Variants in SPATA4 observed in about 807,000 individuals in gnomAD.
SPATA4 encodes the protein spermatogenesis associated 4.
Under a neutral mutation model 31.8 loss-of-function variants are expected in SPATA4, and 35 were observed. That is an observed-to-expected ratio of 1.10 (90% confidence interval 0.84 to 1.46). SPATA4 has a LOEUF of 1.46. SPATA4 is among the 40% of genes most tolerant of loss of function. The pLI, the probability that SPATA4 is intolerant of heterozygous loss-of-function variation, is 0.00. For missense variants in SPATA4, 394 were observed against 363.1 expected, an observed-to-expected ratio of 1.09 and a Z score of -0.69; for synonymous variants, 126 against 132.4, an observed-to-expected ratio of 0.95 and a Z score of 0.33.
Position 176,195,551 on chromosome 4 carries a change from G to C in SPATA4, c.12C>G (p.Ala4=). The part of the protein sequence containing the change: MAA[A]GQEKGYLTQT... Reference sequence around the variant, plus strand: ...GTGTCAAATACCCTTTTTCCTGGCCGGCGGCAGCCATGACGCTTTCTGGGT... The same window carrying C: ...GTGTCAAATACCCTTTTTCCTGGCCCGCGGCAGCCATGACGCTTTCTGGGT... The change falls in exon 1 of 6, where the codon GCC becomes GCG. Residue 4 remains alanine (A), a synonymous_variant. Transcript: ENST00000280191. 1.2e-6 allele frequency: 2 copies of C among 1,614,026 alleles called. No homozygotes were observed. The highest frequency in any genetic ancestry group is 1.6e-4 in the Middle Eastern group (1 of 6,062).
Position 176,195,308 on chromosome 4 carries a change from C to T in SPATA4, c.218+37G>A, listed in dbSNP as rs758334739. ...CAGGCGGCGGAAAGCAGGCGGGGCG[C>T]CCACCGGGGGGGCCTAGGACTGGCT... On this transcript the variant is annotated intron_variant, in intron 1 of 5. Transcript: ENST00000280191. 5.0e-6 allele frequency: 8 copies of T among 1,604,344 alleles called. No homozygotes were observed. In the African/African-American group the frequency reaches 5.4e-5, roughly 11 times the overall value.
Position 176,192,826 on chromosome 4 carries a change from G to A in SPATA4, c.489C>T (p.Asp163=). ...THREIKSIQD[D]FVNFTDYSYQ... Reference sequence around the variant, plus strand: ...AGCTATAGTCCGTGAAATTCACAAAGTCATCCTGGATACTTTTAATTCTGG... The same window carrying A: ...AGCTATAGTCCGTGAAATTCACAAAATCATCCTGGATACTTTTAATTCTGG... The change falls in exon 4 of 6, where the codon GAC becomes GAT. Residue 163 remains aspartate, a synonymous_variant. Coordinates refer to ENST00000280191, the MANE Select transcript of SPATA4 (RefSeq NM_144644.4). The A allele has an allele frequency of 6.2e-7, 1 of 1,613,754 alleles. No homozygotes were observed. Among genetic ancestry groups the A allele is most frequent in the Non-Finnish European group, 8.5e-7 (1 of 1,179,858 alleles).
chr4:176,192,758 T>A lies in SPATA4; in HGVS notation c.557A>T (p.Lys186Met), dbSNP rs754218277. 6.2e-7 allele frequency: 1 copy of A among 1,614,144 alleles called. No individual in the cohort carries two copies. Among genetic ancestry groups the A allele is most frequent in the Non-Finnish European group, 8.5e-7 (1 of 1,179,994 alleles). Residue 186 changes from lysine (K) to methionine (M), a missense_variant, in exon 4 of 6, where the codon AAG becomes ATG. Coordinates refer to ENST00000280191, the MANE Select transcript of SPATA4 (RefSeq NM_144644.4). ...TAACCTAATGTTATCTTTAATAGAC[T>A]TCGAAACTGTAGACCTGGAAACCAG... ...LPLVSRSTVS[K>M]SIKDNIRLSE... is the part of the protein sequence containing the mutation.
In SPATA4 at chr4:176,193,021, T is replaced by C. The variant is rs1488055252; in HGVS notation, c.404A>G (p.His135Arg). 6.2e-7 allele frequency: 1 copy of C among 1,611,166 alleles called. No individual in the cohort carries two copies. The highest frequency in any genetic ancestry group is 8.5e-7 in the Non-Finnish European group (1 of 1,179,246). Residue 135 changes from histidine to arginine, a missense_variant, in exon 3 of 6, where the codon CAT becomes CGT. Coordinates refer to ENST00000280191, the MANE Select transcript of SPATA4 (RefSeq NM_144644.4). ...TATTTCAGGCACTCCAGCTTTACAA[T>C]GAATTGTTCCATGGATTAGTTCTTT... ...LPKELIHGTI[H>R]CKAGVPEILI...
At chr4:176,194,416 C>T (rs1278222492) in intron 1 of SPATA4, 1 of 152,092 alleles carries the variant, frequency 6.6e-6, no homozygotes, top group East Asian at 1.9e-4. Flanking sequence ...TTTAAAAAGG[C>T]ATTAAATTTG....
chr4:176,194,928 G>A (rs1261979670), intron 1 of SPATA4: 1 of 162,020 alleles, frequency 6.2e-6, no homozygotes, highest in African/African-American at 2.4e-5. Context: ...GTAGAGACGG[G>A]GTTTCACCGT....
chr4:176,193,751 C>G, intron 1 of SPATA4, 169 bp from the exon 2 acceptor site: 2 of 613,050 alleles, frequency 3.3e-6, no homozygotes, highest in Non-Finnish European at 5.1e-6. Flanking sequence ...CTAAGATTAT[C>G]TACGTTTCAA....
chr4:176,185,070 T>C (rs1579293300), intron 5 of SPATA4, among the ~76,000 whole-genome samples, 178 bp from the exon 6 acceptor site: 1 of 152,138 alleles, frequency 6.6e-6, no homozygotes, highest in South Asian at 2.1e-4. Flanking sequence ...TACTCATGGA[T>C]TAAAAAAAGT....
Position 176,184,910 on chromosome 4 carries a change from G to C in SPATA4, c.806-18C>G. On this transcript the variant is annotated intron_variant, in intron 5 of 5. Transcript: ENST00000280191. ...TATATTTGCTGGGACATTTAAATAA[G>C]CAAAATTAAAATCAATTCATGGTTA... 3 of 1,471,222 alleles carry C rather than the reference G, an allele frequency of 2.0e-6. No homozygotes were observed. Among genetic ancestry groups the C allele is most frequent in the Non-Finnish European group, 2.8e-6 (3 of 1,070,620 alleles). The allele number at this position is 1,471,222 out of a possible 1,614,324, so 91.1% of individuals were successfully genotyped here.
At chr4:176,187,100 C>T (rs907834683) in intron 5 of SPATA4, among the ~76,000 whole-genome samples, 4 of 152,078 alleles carry the variant, frequency 2.6e-5, no homozygotes, top group South Asian at 2.1e-4. Flanking sequence ...AATATGTCCT[C>T]AGAGGTATTT....
rs370688784 is a variant in SPATA4, at chr4:176,195,315, G to C, written c.218+30C>G. On this transcript the variant is annotated intron_variant, in intron 1 of 5. Coordinates refer to ENST00000280191, the MANE Select transcript of SPATA4 (RefSeq NM_144644.4). ...CGGAAAGCAGGCGGGGCGCCCACCG[G>C]GGGGGCCTAGGACTGGCTTACTCAA... 1.0e-4 allele frequency: 165 copies of C among 1,607,816 alleles called. 1 individual carries two copies. The African/African-American group carries it at 1.1e-3, about 11-fold the overall frequency.
chr4:176,195,171 G>C (rs1752595203), intron 1 of SPATA4, among the ~76,000 whole-genome samples, 174 bp downstream of exon 1: 1 of 152,184 alleles, frequency 6.6e-6, no homozygotes, highest in Non-Finnish European at 1.5e-5. Flanking sequence ...AAGATGTATC[G>C]TGGTATTTTG....
At position 176,195,487 on chromosome 4, in the gene SPATA4, G is replaced by A. The variant is rs748690177; in HGVS notation, c.76C>T (p.Pro26Ser). 1.2e-6 allele frequency: 2 copies of A among 1,614,260 alleles called. No homozygotes were observed. The change falls in exon 1 of 6, where the codon CCA becomes TCA. Residue 26 changes from proline (P) to serine (S), a missense_variant. Pro to Ser is a moderately conservative substitution (Grantham distance 74, BLOSUM62 -1). Coordinates refer to ENST00000280191, the MANE Select transcript of SPATA4 (RefSeq NM_144644.4). ...CCTCGGATGGGAGCTGCTAGCTGTG[G>A]CGAAAGTGACGGTGACTTGTCTAGG... ...AALDKSPSLS[P>S]QLAAPIRGRP...
intron 5 of SPATA4, among the ~76,000 whole-genome samples, chr4:176,187,362 T>C (rs1185731682): frequency 6.6e-6 from 1 of 152,072 alleles, no homozygotes; most frequent in Admixed American, 6.6e-5. Context: ...CCTAGCAGTT[T>C]GGGAGGCCGA....
At chr4:176,191,548 G>A (rs1000684887) in intron 4 of SPATA4, among the ~76,000 whole-genome samples, 1 of 152,138 alleles carries the variant, frequency 6.6e-6, no homozygotes, top group African/African-American at 2.4e-5. Context: ...ATACAAATGT[G>A]TTTTCATCGT....
chr4:176,193,058 AT>A lies in SPATA4; in HGVS notation c.366del (p.Lys122AsnfsTer8). The stretch of plus-strand genomic sequence containing the variant: ...TGGATTAGTTCTTTAGGTAATTTAA[AT>A]TTTTTTCTTGCCAGGAACTTTAATA... ...AQLEKFLARK[K>X]FKLPKELIHG... On this transcript the variant is annotated frameshift_variant, in exon 3 of 6. Transcript: ENST00000280191. LOFTEE classifies it high-confidence loss of function. 1.9e-6 allele frequency: 3 copies of A among 1,590,214 alleles called. No individual in the cohort carries two copies. Among genetic ancestry groups the A allele is most frequent in the East Asian group, 2.2e-5 (1 of 44,636 alleles).
chr4:176,187,850 G>A (rs760994527), intron 5 of SPATA4, among the ~76,000 whole-genome samples: 6 of 152,176 alleles, frequency 3.9e-5, no homozygotes, highest in Non-Finnish European at 7.3e-5. Flanking sequence ...GAACTCTAAT[G>A]AGCCTGACGT....
At position 176,192,403 on chromosome 4, in the gene SPATA4, A is replaced by G. The variant is rs573678137; in HGVS notation, c.688+224T>C. On this transcript the variant is annotated intron_variant, in intron 4 of 5. Transcript: ENST00000280191. ...ATACACATATACGTTTCTAAAAAGAAGTGTCTGTATACTGTGTTAACTTAT... is the reference window on the plus strand; with the variant it reads ...ATACACATATACGTTTCTAAAAAGAGGTGTCTGTATACTGTGTTAACTTAT... Among the ~76,000 whole-genome samples, 6 of 152,362 alleles carry G rather than the reference A, an allele frequency of 3.9e-5. No individual in the cohort carries two copies. In the East Asian group the frequency reaches 1.2e-3, roughly 29 times the overall value.
chr4:176,191,262 A>C lies in SPATA4; in HGVS notation c.688+1365T>G, dbSNP rs937645044. Among the ~76,000 whole-genome samples the C allele has an allele frequency of 1.3e-4, 20 of 152,146 alleles. No individual in the cohort carries two copies. The East Asian group carries it at 2.9e-3, about 22-fold the overall frequency. ...AGGCACACGCCACCATGCCCAGCTA[A>C]TTTTTGTGTTTTTAGTAGAGACGGG... is the stretch of plus-strand genomic sequence containing the variant. On this transcript the variant is annotated intron_variant, in intron 4 of 5. Coordinates refer to ENST00000280191, the MANE Select transcript of SPATA4 (RefSeq NM_144644.4).
Sources: gnomAD v4.1 joint callset for allele counts (sites outside exome capture counted in the v4.1 genomes callset) on GRCh38, gnomAD v4.1.1 for gene constraint, MANE v1.5 for transcripts, NCBI Gene and HGNC (gene_info 2026-07-23, HGNC 2026-07-21) for gene names.